WDFY4: variants seen among roughly 807,000 people sequenced by gnomAD.
WDFY4 encodes the protein WD repeat- and FYVE domain-containing protein 4.
WDFY4 carries 169 observed loss-of-function variants against 351.9 expected under a neutral mutation model. The ratio of observed to expected loss-of-function variants is 0.48; its 90% CI spans 0.42 to 0.55. The LOEUF (loss-of-function observed/expected upper bound fraction) is 0.55, where lower values mean the gene tolerates loss of function less well. Ranked by LOEUF, WDFY4 falls within the 20% of genes least tolerant of loss-of-function variation. The pLI is 0.00. For missense variants in WDFY4, 3,803 were observed against 3,935.6 expected (o/e 0.97, Z 0.90); for synonymous variants, 1,622 against 1,574.6 (o/e 1.03, Z -0.71).
chr10:48,713,258 A>T (rs2377625), intron 2 of WDFY4, among the ~76,000 whole-genome samples: 107,788 of 152,034 alleles, frequency 0.71, 39,317 homozygotes, highest in East Asian at 0.99. Context: ...GTAGCTTCAA[A>T]CTTGTGAGTC....
intron 26 of WDFY4, among the ~76,000 whole-genome samples, chr10:48,805,766 G>T (rs975952882): frequency 3.9e-5 from 6 of 152,200 alleles, no homozygotes; most frequent in African/African-American, 1.4e-4. Flanking sequence ...CCACCAGTGT[G>T]TTTCCCCTTC....
At chr10:48,754,809 C>A (rs955482266) in intron 12 of WDFY4, among the ~76,000 whole-genome samples, 1 of 152,102 alleles carries the variant, frequency 6.6e-6, no homozygotes, top group African/African-American at 2.4e-5. Flanking sequence ...AAGAAACACT[C>A]CTGAGCACCT....
rs1160652616 is a variant in WDFY4, at chr10:48,790,749, C to A, written c.4089C>A (p.Ser1363Arg). The A allele has an allele frequency of 6.4e-7, 1 of 1,551,818 alleles. No homozygotes were observed. Among genetic ancestry groups the A allele is most frequent in the Middle Eastern group, 1.7e-4 (1 of 5,994 alleles). Residue 1363 changes from serine (S) to arginine (R), a missense_variant, in exon 23 of 62, where the codon AGC becomes AGA. Physicochemically the swap from Ser to Arg is moderately radical, Grantham distance 110 (BLOSUM62 -1). Around this residue, in one of 3 missense-constraint regions of WDFY4, gnomAD observed 3,054 missense variants for 3,148.6 expected, o/e 0.97. Transcript: ENST00000325239. ...GQLGVRVFHS[S>R]PAASSLDFIG... ...CAGGGGTGAGGGTATTCCACTCCAG[C>A]CCTGCTGCCAGCAGCCTGGACTTCA...
Position 48,877,189 on chromosome 10 carries a change from A to G in WDFY4, c.7157A>G (p.Asp2386Gly), listed in dbSNP as rs1350391791. ...ERQVILQELL[D>G]KEKVTQKFSL... ...CAAGTTATTTTACAAGAGCTTCTTG[A>G]TAAAGAAAAGGTAATATACCCCATT... The change falls in exon 43 of 62, where the codon GAT becomes GGT. Residue 2386 changes from aspartate to glycine, a missense_variant. Physicochemically the swap from Asp to Gly is moderately conservative, Grantham distance 94. Around this residue, in one of 3 missense-constraint regions of WDFY4, gnomAD observed 3,054 missense variants for 3,148.6 expected, o/e 0.97. Coordinates refer to ENST00000325239, the MANE Select transcript of WDFY4 (RefSeq NM_001394531.1). 6.4e-7 allele frequency: 1 copy of G among 1,551,576 alleles called. No individual in the cohort carries two copies. The highest frequency in any genetic ancestry group is 1.4e-5 in the African/African-American group (1 of 73,164).
At chr10:48,861,685 T>G (rs1447345785) in intron 39 of WDFY4, among the ~76,000 whole-genome samples, 1 of 152,198 alleles carries the variant, frequency 6.6e-6, no homozygotes, top group Non-Finnish European at 1.5e-5. Context: ...TTTCTATGGG[T>G]CTGTCTTGTT....
Position 48,946,177 on chromosome 10 carries a change from T to C in WDFY4, c.7867+20T>C. 2 of 1,519,266 alleles carry C rather than the reference T, an allele frequency of 1.3e-6. No homozygotes were observed. The highest frequency in any genetic ancestry group is 1.8e-6 in the Non-Finnish European group (2 of 1,121,780). 94.1% of individuals were successfully genotyped at this position (1,519,266 alleles called of 1,614,324 possible). Reference sequence around the variant, plus strand: ...CTGAAGGTGAGTAGATCCAGCTTGATTTTTGGTGCAGTGTTATTCATCGGG... The same window carrying C: ...CTGAAGGTGAGTAGATCCAGCTTGACTTTTGGTGCAGTGTTATTCATCGGG... On this transcript the variant is annotated intron_variant, in intron 50 of 61. Transcript: ENST00000325239.
chr10:48,788,428 C>T lies in WDFY4; in HGVS notation c.3809-102C>T, dbSNP rs537465366. 6.6e-6 allele frequency: 9 copies of T among 1,353,448 alleles called. No homozygotes were observed. In the South Asian group the frequency reaches 1.2e-4, roughly 18 times the overall value. 83.8% of individuals were successfully genotyped at this position (1,353,448 alleles called of 1,614,324 possible). On this transcript the variant is annotated intron_variant, in intron 20 of 61. Coordinates refer to ENST00000325239, the MANE Select transcript of WDFY4 (RefSeq NM_001394531.1). ...ATGTGACAACATACAAACATCCTCT[C>T]AATGATTACTTTGCTGTGTGACAGA...
chr10:48,897,116 A>G (rs1406462474), intron 44 of WDFY4, among the ~76,000 whole-genome samples: 1 of 151,864 alleles, frequency 6.6e-6, no homozygotes, highest in East Asian at 1.9e-4. Flanking sequence ...GGGCCTTCTC[A>G]CCCCGACCCT....
chr10:48,731,677 T>G, intron 9 of WDFY4, 115 bp downstream of exon 9: 1 of 1,217,708 alleles, frequency 8.2e-7, no homozygotes. Context: ...CCCATGTCAC[T>G]GGGAAGGTAT....
intron 27 of WDFY4, among the ~76,000 whole-genome samples, chr10:48,807,493 C>T (rs1464350804): frequency 6.6e-6 from 1 of 152,236 alleles, no homozygotes; most frequent in Non-Finnish European, 1.5e-5. Flanking sequence ...TGGTCTTCAG[C>T]ACTCTGTTCC....
At chr10:48,778,954 A>C (rs2066128223) in intron 18 of WDFY4, 122 bp downstream of exon 18, 1 of 1,131,400 alleles carries the variant, frequency 8.8e-7, no homozygotes. Context: ...TCATCCTTTG[A>C]AATTGCTCCC....
intron 4 of WDFY4, 124 bp downstream of exon 4, chr10:48,721,491 C>T: frequency 1.2e-6 from 1 of 803,468 alleles, no homozygotes; most frequent in South Asian, 1.7e-5. Flanking sequence ...TTTATTATTT[C>T]TCCTCCCTCC....
chr10:48,790,777 G>T lies in WDFY4; in HGVS notation c.4117G>T (p.Gly1373Cys). 6.4e-7 allele frequency: 1 copy of T among 1,551,762 alleles called. No individual in the cohort carries two copies. Among genetic ancestry groups the T allele is most frequent in the Admixed American group, 2.0e-5 (1 of 51,004 alleles). Residue 1373 changes from glycine (G) to cysteine (C), a missense_variant, in exon 23 of 62, where the codon GGC (glycine) becomes TGC (cysteine). Physicochemically the swap from Gly to Cys is radical, Grantham distance 159 (BLOSUM62 -3). Transcript: ENST00000325239. ...SPAASSLDFI[G>C]GPAILLGLIS... ...TGCTGCCAGCAGCCTGGACTTCATTGGCGGGCCTGCCATCCTCCTGGGCCT... is the reference window on the plus strand; with the variant it reads ...TGCTGCCAGCAGCCTGGACTTCATTTGCGGGCCTGCCATCCTCCTGGGCCT...
chr10:48,735,170 G>T (rs894716486), intron 10 of WDFY4, among the ~76,000 whole-genome samples: 2 of 152,030 alleles, frequency 1.3e-5, no homozygotes, highest in African/African-American at 4.8e-5. Flanking sequence ...AATCCTGTCT[G>T]CTCAAATCTC....
chr10:48,882,740 C>G (rs969152018), intron 43 of WDFY4, among the ~76,000 whole-genome samples: 1 of 152,096 alleles, frequency 6.6e-6, no homozygotes, highest in Non-Finnish European at 1.5e-5. Context: ...GCTGAACTCT[C>G]GGAGAACTCA....
At chr10:48,888,688 A>G (rs1207178419) in intron 43 of WDFY4, among the ~76,000 whole-genome samples, 1 of 152,116 alleles carries the variant, frequency 6.6e-6, no homozygotes, top group Admixed American at 6.5e-5. Flanking sequence ...CTGTTCCCCA[A>G]ATCAGCCCTT....
At chr10:48,870,814 C>T (rs1049771386) in intron 40 of WDFY4, among the ~76,000 whole-genome samples, 1 of 152,188 alleles carries the variant, frequency 6.6e-6, no homozygotes, top group African/African-American at 2.4e-5. Flanking sequence ...ATAATCACAT[C>T]TCTCTCAGGG....
At chr10:48,901,689 C>A in intron 46 of WDFY4, 112 bp from the exon 47 acceptor site, 2 of 1,173,174 alleles carry the variant, frequency 1.7e-6, no homozygotes, top group Non-Finnish European at 2.5e-6. Context: ...CAGGATGGAG[C>A]GAGGGGGAGC....
intron 31 of WDFY4, 48 bp downstream of exon 31, chr10:48,814,130 G>A: frequency 6.8e-7 from 1 of 1,475,306 alleles, no homozygotes; most frequent in Non-Finnish European, 9.1e-7. Flanking sequence ...CTGATGGGAA[G>A]GCCAGTTTGG....
Sources: allele counts gnomAD v4.1 joint callset (sites outside exome capture counted in the v4.1 genomes callset), GRCh38; gene constraint gnomAD v4.1.1; regional missense constraint gnomAD v4.1.1; transcripts MANE v1.5; gene names NCBI Gene and HGNC (gene_info 2026-07-23, HGNC 2026-07-21).